Variants in FANCL observed in about 807,000 individuals in gnomAD.
FANCL encodes the protein FA complementation group L.
In FANCL, 69 loss-of-function variants were observed where a neutral mutation model predicts 59.4. The observed-to-expected ratio is 1.16, with a 90% confidence interval of 0.96 to 1.42. The LOEUF (loss-of-function observed/expected upper bound fraction) is 1.42, where lower values mean the gene tolerates loss of function less well. Among genes scored for constraint, FANCL ranks in the 40% most tolerant of loss-of-function variants. The pLI is 0.00. For synonymous variants in FANCL, 180 were observed against 147.1 expected (o/e 1.22, Z -1.62); for missense variants, 519 against 447.2 (o/e 1.16, Z -1.45).
At chr2:58,239,286 T>C (rs914732091) in intron 1 of FANCL, among the ~76,000 whole-genome samples, 1 of 152,186 alleles carries the variant, frequency 6.6e-6, no homozygotes, top group Non-Finnish European at 1.5e-5. Flanking sequence ...TCATTAATAA[T>C]GGAACCAACC....
intron 1 of FANCL, among the ~76,000 whole-genome samples, chr2:58,233,238 T>C (rs1466565457): frequency 4.1e-5 from 5 of 121,204 alleles, no homozygotes; most frequent in Admixed American, 1.4e-4. Context: ...ACACGAAAAA[T>C]AGAAGAACTA....
chr2:58,176,985 C>T (rs1403510924), intron 7 of FANCL, among the ~76,000 whole-genome samples: 2 of 152,154 alleles, frequency 1.3e-5, no homozygotes, highest in African/African-American at 4.8e-5. Context: ...TGAACAGACA[C>T]TTCTCAAAAG....
chr2:58,231,171 T>C (rs1177729620), intron 2 of FANCL, among the ~76,000 whole-genome samples: 1 of 152,178 alleles, frequency 6.6e-6, no homozygotes, highest in Non-Finnish European at 1.5e-5. Flanking sequence ...CCTTTAAATG[T>C]TGGTACGCCC....
intron 7 of FANCL, among the ~76,000 whole-genome samples, chr2:58,175,930 C>A (rs1330130030): frequency 6.6e-6 from 1 of 152,082 alleles, no homozygotes; most frequent in East Asian, 1.9e-4. Context: ...GCAACTTCAG[C>A]AAAGTCTCAG....
At chr2:58,159,901 T>C (rs899343875) in intron 13 of FANCL, 101 bp from the exon 14 acceptor site, 2 of 1,556,514 alleles carry the variant, frequency 1.3e-6, no homozygotes, top group Admixed American at 2.0e-5. Flanking sequence ...CATAGTACAG[T>C]TTGGAAAACA....
intron 5 of FANCL, among the ~76,000 whole-genome samples, chr2:58,205,846 G>C (rs1422257837): frequency 6.6e-6 from 1 of 151,906 alleles, no homozygotes; most frequent in South Asian, 2.1e-4. Flanking sequence ...TGATAAAAGG[G>C]GGAAGAAGAA....
intron 7 of FANCL, among the ~76,000 whole-genome samples, chr2:58,195,092 T>TAC (rs1689301525): frequency 6.6e-6 from 1 of 152,136 alleles, no homozygotes. Flanking sequence ...CAGTAACATT[T>TAC]ATATTGCTTG....
At chr2:58,193,747 T>C (rs1460158662) in intron 7 of FANCL, among the ~76,000 whole-genome samples, 5 of 152,152 alleles carry the variant, frequency 3.3e-5, no homozygotes, top group Non-Finnish European at 5.9e-5. Flanking sequence ...ACAGGATTAT[T>C]ACAGTGAAAA....
intron 4 of FANCL, among the ~76,000 whole-genome samples, chr2:58,225,603 C>T (rs1262538610): frequency 6.6e-6 from 1 of 151,964 alleles, no homozygotes; most frequent in Non-Finnish European, 1.5e-5. Flanking sequence ...TCAGATACCA[C>T]GTGGATCCTC....
intron 7 of FANCL, among the ~76,000 whole-genome samples, chr2:58,173,594 T>G (rs1473887518): frequency 2.0e-5 from 3 of 152,032 alleles, no homozygotes; most frequent in Non-Finnish European, 4.4e-5. Context: ...GCTGAGAGAT[T>G]TTGTCACCAC....
chr2:58,240,392 T>C (rs1439856367), intron 1 of FANCL, among the ~76,000 whole-genome samples: 1 of 152,160 alleles, frequency 6.6e-6, no homozygotes, highest in Non-Finnish European at 1.5e-5. Context: ...ACTCCTAACC[T>C]AAGGTATCCT....
chr2:58,159,488 T>C lies in FANCL; in HGVS notation c.*277A>G, dbSNP rs951141798. The stretch of plus-strand genomic sequence containing the variant: ...CATCAAGATTTTACCAGTCCAGATA[T>C]ATTCAAGAAGTCAAGATCTCCATCT... On this transcript the variant is annotated 3_prime_UTR_variant, in exon 14 of 14. Transcript: ENST00000233741. 3 of 1,613,702 alleles carry C rather than the reference T, an allele frequency of 1.9e-6. No individual in the cohort carries two copies. The highest frequency in any genetic ancestry group is 2.2e-5 in the East Asian group (1 of 44,854).
At position 58,204,149 on chromosome 2, in the gene FANCL, G is replaced by T; in HGVS notation, c.452C>A (p.Thr151Asn). 8.1e-6 allele frequency: 13 copies of T among 1,612,916 alleles called. No individual in the cohort carries two copies. Among genetic ancestry groups the T allele is most frequent in the Non-Finnish European group, 1.1e-5 (13 of 1,179,076 alleles). ...ACATACCTTTGCCTTCAACTTGAGA[G>T]TGATTAAATGCTCTCTACCAGAAGC... ...EDASGREHLI[T>N]LKLKAKYPAE... Residue 151 changes from threonine to asparagine, a missense_variant, in exon 6 of 14, where the codon ACT becomes AAT. Physicochemically the swap from Thr to Asn is moderately conservative, Grantham distance 65. Transcript: ENST00000233741.
At chr2:58,232,590 A>C (rs559412757) in intron 1 of FANCL, among the ~76,000 whole-genome samples, 17 of 152,220 alleles carry the variant, frequency 1.1e-4, no homozygotes, top group African/African-American at 3.6e-4. Context: ...ATATTTAGTT[A>C]CACAATCTAT....
intron 1 of FANCL, among the ~76,000 whole-genome samples, chr2:58,240,308 T>C (rs1287901116): frequency 6.6e-6 from 1 of 152,192 alleles, no homozygotes; most frequent in Non-Finnish European, 1.5e-5. Context: ...ATTCCACATA[T>C]ACTCAAAGAC....
chr2:58,220,467 T>C (rs1279130799), intron 5 of FANCL, among the ~76,000 whole-genome samples: 1 of 152,204 alleles, frequency 6.6e-6, no homozygotes, highest in Non-Finnish European at 1.5e-5. Context: ...TAAAGGGAAG[T>C]AGAAGGCAAA....
Position 58,159,377 on chromosome 2 carries a change from A to G in FANCL, c.*388T>C. ...AGCACAAGGAGAAGACAGAAATATCAAGAGTCTCAAGAACCTTTGAATGAA... is the reference window on the plus strand; with the variant it reads ...AGCACAAGGAGAAGACAGAAATATCGAGAGTCTCAAGAACCTTTGAATGAA... On this transcript the variant is annotated 3_prime_UTR_variant, in exon 14 of 14. Transcript: ENST00000233741. 1 of 1,610,470 alleles carries G rather than the reference A, an allele frequency of 6.2e-7. No individual in the cohort carries two copies.
At chr2:58,165,916 AC>A in intron 7 of FANCL, 42 bp from the exon 8 acceptor site, 6 of 1,582,028 alleles carry the variant, frequency 3.8e-6, no homozygotes, top group Non-Finnish European at 5.2e-6. Context: ...ATGGTACTCT[AC>A]CAATAGCAGA....
At chr2:58,173,162 T>C (rs1315885075) in intron 7 of FANCL, among the ~76,000 whole-genome samples, 1 of 152,152 alleles carries the variant, frequency 6.6e-6, no homozygotes. Context: ...TACGTCTGAT[T>C]TGTGTACCTG....
Sources: gnomAD v4.1 joint callset for allele counts (sites outside exome capture counted in the v4.1 genomes callset) on GRCh38, gnomAD v4.1.1 for gene constraint, MANE v1.5 for transcripts, NCBI Gene and HGNC (gene_info 2026-07-23, HGNC 2026-07-21) for gene names.